The following SHC4 variants were observed in gnomAD, a reference collection of about 807,000 sequenced individuals.
The protein encoded by SHC4 is SHC adaptor protein 4, also known as SHC-transforming protein 4.
SHC4 carries 41 observed loss-of-function variants against 69.4 expected under a neutral mutation model. The observed-to-expected ratio is 0.59, with a 90% CI of 0.46 to 0.77. The LOEUF (loss-of-function observed/expected upper bound fraction) is 0.77, where lower values mean the gene tolerates loss of function less well. Among genes scored for constraint, SHC4 ranks in the 30% least tolerant of loss-of-function variants. SHC4 has a pLI of 0.00. For missense variants in SHC4, 777 were observed against 783.8 expected (o/e 0.99, Z 0.10); for synonymous variants, 318 against 299.3 (o/e 1.06, Z -0.64).
At chr15:48,916,273 TCACACACACACACACA>T (rs71120648) in intron 2 of SHC4, among the ~76,000 whole-genome samples, 2,244 of 142,526 alleles carry the variant, frequency 0.016, 53 homozygotes, top group African/African-American at 0.054. Flanking sequence ...TGATGGTTGC[TCACACACACACACACA>T]CACACACACA....
At chr15:48,826,412 C>A (rs961483842) in intron 11 of SHC4, among the ~76,000 whole-genome samples, 2 of 151,900 alleles carry the variant, frequency 1.3e-5, no homozygotes, top group African/African-American at 2.4e-5. Context: ...CCATGCCTGG[C>A]TAATTTTTTT....
At chr15:48,888,158 T>A (rs1900070168) in intron 3 of SHC4, among the ~76,000 whole-genome samples, 1 of 152,232 alleles carries the variant, frequency 6.6e-6, no homozygotes, top group African/African-American at 2.4e-5. Context: ...TAAAAGATTT[T>A]GTAACTCATG....
intron 6 of SHC4, among the ~76,000 whole-genome samples, chr15:48,858,313 C>T (rs984584351): frequency 6.6e-6 from 1 of 152,114 alleles, no homozygotes; most frequent in African/African-American, 2.4e-5. Context: ...ATACGCCCCC[C>T]GCCCCGCTGC....
At chr15:48,875,175 A>C (rs1403575745) in intron 4 of SHC4, among the ~76,000 whole-genome samples, 1 of 141,618 alleles carries the variant, frequency 7.1e-6, no homozygotes, top group African/African-American at 2.5e-5. Flanking sequence ...CTTGCTTTGC[A>C]TAACATGTAG....
intron 1 of SHC4, among the ~76,000 whole-genome samples, chr15:48,960,626 TTGTC>T (rs1294117883): frequency 6.6e-6 from 1 of 152,156 alleles, no homozygotes; most frequent in Non-Finnish European, 1.5e-5. Context: ...GAGATCCTAA[TTGTC>T]TGTTTGTAAT....
At chr15:48,951,038 T>C (rs1444029264) in intron 1 of SHC4, among the ~76,000 whole-genome samples, 1 of 151,990 alleles carries the variant, frequency 6.6e-6, no homozygotes, top group Non-Finnish European at 1.5e-5. Flanking sequence ...TCCTCCCCTT[T>C]CCATAGAACA....
At chr15:48,920,873 C>T (rs916876214) in intron 2 of SHC4, among the ~76,000 whole-genome samples, 2 of 151,268 alleles carry the variant, frequency 1.3e-5, no homozygotes, top group South Asian at 4.2e-4. Context: ...CCCATGAGCC[C>T]AGAAGTTAAG....
At chr15:48,881,410 A>T (rs1899944778) in intron 4 of SHC4, among the ~76,000 whole-genome samples, 1 of 150,626 alleles carries the variant, frequency 6.6e-6, no homozygotes. Context: ...TCACCTTTAG[A>T]TAAGGAAGAT....
chr15:48,925,770 G>A (rs4774529), intron 1 of SHC4, among the ~76,000 whole-genome samples: 38,538 of 152,052 alleles, frequency 0.25, 5,277 homozygotes, highest in East Asian at 0.43. Flanking sequence ...GCAGTATGAA[G>A]GTGGGTTAAT....
chr15:48,955,165 T>C (rs1394063890), intron 1 of SHC4, among the ~76,000 whole-genome samples: 1 of 152,200 alleles, frequency 6.6e-6, no homozygotes, highest in African/African-American at 2.4e-5. Context: ...CCAGTATGTT[T>C]ACCCAGGAAG....
Position 48,962,695 on chromosome 15 carries a change from A to G in SHC4, c.321T>C (p.Phe107=). 1 of 1,614,136 alleles carries G rather than the reference A, an allele frequency of 6.2e-7. No homozygotes were observed. Among genetic ancestry groups the G allele is most frequent in the Non-Finnish European group, 8.5e-7 (1 of 1,180,030 alleles). Residue 107 remains phenylalanine (F), a synonymous_variant, in exon 1 of 12, where the codon TTT becomes TTC. Coordinates refer to ENST00000332408, the MANE Select transcript of SHC4 (RefSeq NM_203349.4). ...GAGGCACCTCTTTGGTACCCAGGCA[A>G]AAGTTTTTCAGACTCAGCAAAGTGG... ...NPATLLSLKN[F]CLGTKEVPRL...
At chr15:48,855,100 G>A (rs1435693575) in intron 8 of SHC4, among the ~76,000 whole-genome samples, 11 of 151,978 alleles carry the variant, frequency 7.2e-5, no homozygotes, top group Non-Finnish European at 1.5e-5. Context: ...TTACCTGGGT[G>A]ACAAAATTAT....
intron 4 of SHC4, among the ~76,000 whole-genome samples, chr15:48,881,079 TA>T (rs1291329204): frequency 4.1e-4 from 62 of 151,336 alleles, no homozygotes; most frequent in African/African-American, 1.4e-3. Flanking sequence ...TTTTGCAAGG[TA>T]GGGGATTTAA....
chr15:48,958,748 T>C (rs1901493028), intron 1 of SHC4, among the ~76,000 whole-genome samples: 1 of 152,186 alleles, frequency 6.6e-6, no homozygotes, highest in African/African-American at 2.4e-5. Flanking sequence ...TTTAAATGAA[T>C]GTCTGCTGAT....
intron 1 of SHC4, chr15:48,946,718 C>A: frequency 2.8e-6 from 1 of 360,756 alleles, no homozygotes; most frequent in Non-Finnish European, 3.9e-6. Flanking sequence ...CTCCCCAGAA[C>A]ATTCCTATCA....
Position 48,878,503 on chromosome 15 carries a change from C to T in SHC4, c.840+5745G>A, listed in dbSNP as rs112644597. Reference sequence around the variant, plus strand: ...AATTTGATGACTGGGAGGACGACTACGACTATCCCGAAGAGGAGCAGCTCA... The same window carrying T: ...AATTTGATGACTGGGAGGACGACTATGACTATCCCGAAGAGGAGCAGCTCA... On this transcript the variant is annotated intron_variant, in intron 4 of 11. Transcript: ENST00000332408. 7.0e-4 allele frequency: 1,126 copies of T among 1,613,988 alleles called. 10 individuals carry two copies. The African/African-American group carries it at 0.013, about 19-fold the overall frequency.
chr15:48,932,175 G>A (rs4259993), intron 1 of SHC4, among the ~76,000 whole-genome samples: 26,739 of 151,800 alleles, frequency 0.18, 2,516 homozygotes, highest in East Asian at 0.31. Context: ...TTATCATTCC[G>A]TCCGATCCCC....
intron 7 of SHC4, 89 bp downstream of exon 7, chr15:48,857,600 TTAA>T: frequency 2.6e-6 from 3 of 1,169,260 alleles, no homozygotes; most frequent in Non-Finnish European, 3.4e-6. Context: ...AAATGCCACA[TTAA>T]TGTTATATAT....
chr15:48,849,278 C>G (rs1899159675), intron 9 of SHC4, among the ~76,000 whole-genome samples: 1 of 152,136 alleles, frequency 6.6e-6, no homozygotes, highest in African/African-American at 2.4e-5. Context: ...TTCCTTCCTA[C>G]CTCCCTCTCT....
Sources: allele counts gnomAD v4.1 joint callset (sites outside exome capture counted in the v4.1 genomes callset), GRCh38; gene constraint gnomAD v4.1.1; transcripts MANE v1.5; gene names NCBI Gene and HGNC (gene_info 2026-07-23, HGNC 2026-07-21).